The following STPG2 variants were observed in gnomAD, a reference collection of about 807,000 sequenced individuals.
The protein encoded by STPG2 is sperm-tail PG-rich repeat-containing protein 2.
Under a neutral mutation model 54.2 loss-of-function variants are expected in STPG2, and 56 were observed. The ratio of observed to expected loss-of-function variants is 1.03; its 90% CI spans 0.83 to 1.29. STPG2 has a LOEUF of 1.29. Ranked by LOEUF, STPG2 falls within the 50% of genes most tolerant of loss-of-function variation. The pLI is 0.00. For missense variants in STPG2, 596 were observed against 544.9 expected (o/e 1.09, Z -0.93); for synonymous variants, 200 against 181.8 (o/e 1.10, Z -0.81).
At chr4:98,142,516 G>C (rs1262909145) in intron 1 of STPG2, among the ~76,000 whole-genome samples, 2 of 151,992 alleles carry the variant, frequency 1.3e-5, no homozygotes, top group Non-Finnish European at 2.9e-5. Flanking sequence ...GGAGAAAAGG[G>C]GCTCCCCTGA....
chr4:97,443,432 T>G (rs1441970573), intron 4 of STPG2, among the ~76,000 whole-genome samples: 1 of 152,114 alleles, frequency 6.6e-6, no homozygotes, highest in African/African-American at 2.4e-5. Flanking sequence ...TGGTATAGGG[T>G]TATCAGGATA....
intron 7 of STPG2, among the ~76,000 whole-genome samples, chr4:97,944,908 T>G (rs1560603238): frequency 6.6e-6 from 1 of 152,188 alleles, no homozygotes; most frequent in African/African-American, 2.4e-5. Flanking sequence ...CCAGATAATA[T>G]AGGTAGCTTC....
intron 10 of STPG2, among the ~76,000 whole-genome samples, chr4:97,656,066 T>A (rs1722210832): frequency 6.6e-6 from 1 of 152,094 alleles, no homozygotes; most frequent in African/African-American, 2.4e-5. Flanking sequence ...TTAACACAAA[T>A]CTTTAGGACT....
At chr4:97,724,643 A>G (rs954220108) in intron 9 of STPG2, among the ~76,000 whole-genome samples, 2 of 152,100 alleles carry the variant, frequency 1.3e-5, no homozygotes, top group African/African-American at 4.8e-5. Flanking sequence ...TGATGCTATA[A>G]TCTGCAATTT....
chr4:97,708,597 A>G (rs571193493), intron 10 of STPG2, among the ~76,000 whole-genome samples: 2 of 152,080 alleles, frequency 1.3e-5, no homozygotes, highest in South Asian at 4.1e-4. Flanking sequence ...AAGGCTATTT[A>G]TAATAATAGA....
At chr4:97,981,539 C>A (rs1578753536) in intron 5 of STPG2, among the ~76,000 whole-genome samples, 1 of 151,874 alleles carries the variant, frequency 6.6e-6, no homozygotes, top group Non-Finnish European at 1.5e-5. Context: ...GTATTATGTG[C>A]CTTACTAAGG....
intron 5 of STPG2, among the ~76,000 whole-genome samples, chr4:98,047,235 C>T (rs770589777): frequency 5.3e-5 from 8 of 152,216 alleles, no homozygotes; most frequent in Non-Finnish European, 1.2e-4. Flanking sequence ...CAAGTAGGAG[C>T]TTTAAAAGCT....
intron 5 of STPG2, among the ~76,000 whole-genome samples, chr4:98,081,154 T>C (rs77385929): frequency 1.6e-3 from 239 of 152,298 alleles, no homozygotes; most frequent in African/African-American, 5.6e-3. Flanking sequence ...TCAAGTCTCC[T>C]GGAGGCTAAC....
At chr4:97,600,181 C>G (rs1733421501) in intron 10 of STPG2, among the ~76,000 whole-genome samples, 1 of 152,088 alleles carries the variant, frequency 6.6e-6, no homozygotes, top group Non-Finnish European at 1.5e-5. Flanking sequence ...GTACACCAAA[C>G]CCCTATGACA....
chr4:97,862,854 C>T (rs756408660), intron 8 of STPG2, among the ~76,000 whole-genome samples: 10 of 152,052 alleles, frequency 6.6e-5, no homozygotes, highest in Non-Finnish European at 8.8e-5. Flanking sequence ...CTACCGCATA[C>T]GTAACGAAAT....
At chr4:97,950,416 C>T (rs1486383487) in intron 7 of STPG2, among the ~76,000 whole-genome samples, 1 of 152,112 alleles carries the variant, frequency 6.6e-6, no homozygotes, top group East Asian at 1.9e-4. Flanking sequence ...TTTTGTAATT[C>T]CCTAAATGTG....
intron 9 of STPG2, among the ~76,000 whole-genome samples, chr4:97,760,899 C>A (rs1231985625): frequency 6.6e-6 from 1 of 152,130 alleles, no homozygotes; most frequent in African/African-American, 2.4e-5. Flanking sequence ...CATGCCATGC[C>A]TTTTCCAGCT....
intron 8 of STPG2, among the ~76,000 whole-genome samples, chr4:97,856,229 T>C (rs1371624971): frequency 6.6e-6 from 1 of 152,214 alleles, no homozygotes; most frequent in East Asian, 1.9e-4. Context: ...TTAATGGAAA[T>C]AGCATTGAAT....
chr4:97,748,858 C>T (rs984945336), intron 9 of STPG2, among the ~76,000 whole-genome samples: 3 of 151,586 alleles, frequency 2.0e-5, no homozygotes, highest in East Asian at 1.9e-4. Flanking sequence ...TAGATTTGTA[C>T]AAAAATGGGT....
chr4:97,962,929 G>C (rs970447871), intron 7 of STPG2, among the ~76,000 whole-genome samples: 1 of 152,156 alleles, frequency 6.6e-6, no homozygotes, highest in Admixed American at 6.6e-5. Context: ...GGGAAGCTGA[G>C]GCAGGTGGAT....
intron 10 of STPG2, among the ~76,000 whole-genome samples, chr4:97,567,201 C>A (rs1270265206): frequency 6.8e-6 from 1 of 146,208 alleles, no homozygotes; most frequent in African/African-American, 2.5e-5. Context: ...CACACACACA[C>A]ACACACACAT....
downstream of STPG2, among the ~76,000 whole-genome samples, chr4:97,557,317 GCAAT>G (rs1732100969): frequency 2.6e-5 from 4 of 152,128 alleles, no homozygotes; most frequent in Admixed American, 2.6e-4. Context: ...TCCCTAGTTA[GCAAT>G]CAGAGAGAGA....
rs542261308 is a variant in STPG2, at chr4:97,461,769, G to A, written c.462+250930C>T. On this transcript the variant is annotated intron_variant, in intron 4 of 4. Transcript: ENST00000522676. ...TTGCATATCCTTTTTTCTTTTTAATGTGCCTGTTCAAGTCTTTGTCCATTT... is the reference window on the plus strand; with the variant it reads ...TTGCATATCCTTTTTTCTTTTTAATATGCCTGTTCAAGTCTTTGTCCATTT... Among the ~76,000 whole-genome samples, 279 of 151,942 alleles carry A rather than the reference G, an allele frequency of 1.8e-3. 1 individual carries two copies. The highest frequency in any genetic ancestry group is 6.4e-3 in the African/African-American group (266 of 41,452).
chr4:97,562,392 G>A (rs1232978437), intron 10 of STPG2, among the ~76,000 whole-genome samples: 4 of 152,168 alleles, frequency 2.6e-5, no homozygotes, highest in Admixed American at 2.6e-4. Context: ...TGCAAACAGG[G>A]ACAATTAGAC....
Sources: gnomAD v4.1 joint callset for allele counts (sites outside exome capture counted in the v4.1 genomes callset) on GRCh38, gnomAD v4.1.1 for gene constraint, MANE v1.5 for transcripts, NCBI Gene and HGNC (gene_info 2026-07-23, HGNC 2026-07-21) for gene names.